The following EIF2AK1 variants were observed in gnomAD, a reference collection of about 807,000 sequenced individuals.
EIF2AK1 encodes the protein eukaryotic translation initiation factor 2 alpha kinase 1.
In EIF2AK1, 54 loss-of-function variants were observed where a neutral mutation model predicts 77.9. The ratio of observed to expected loss-of-function variants is 0.69; its 90% confidence interval spans 0.56 to 0.87. The LOEUF (loss-of-function observed/expected upper bound fraction) is 0.87. Among genes scored for constraint, EIF2AK1 ranks in the 40% least tolerant of loss-of-function variants. The pLI is 0.00. For synonymous variants in EIF2AK1, 314 were observed against 290.5 expected (o/e 1.08, Z -0.82); for missense variants, 810 against 768.6 (o/e 1.05, Z -0.64).
At position 6,023,183 on chromosome 7, in the gene EIF2AK1, A is replaced by C. The variant is rs1787557973; in HGVS notation, c.*1490T>G. On this transcript the variant is annotated 3_prime_UTR_variant, in exon 15 of 15. Coordinates refer to ENST00000199389, the MANE Select transcript of EIF2AK1 (RefSeq NM_014413.4). ...GACTGAAAATGTGATGTTCTTCTTG[A>C]AAACACCCTTTCCCATGTCATCAGT... The C allele has an allele frequency of 9.8e-6, 12 of 1,219,922 alleles. No homozygotes were observed. Among genetic ancestry groups the C allele is most frequent in the Non-Finnish European group, 1.3e-5 (12 of 890,498 alleles). The allele number at this position is 1,219,922 out of a possible 1,614,324, so 75.6% of individuals were successfully genotyped here. A position where few individuals can be genotyped will look rare whatever the true frequency, so the allele number is the denominator to read the frequency against.
chr7:6,031,313 C>T, intron 11 of EIF2AK1: 1 of 1,441,724 alleles, frequency 6.9e-7, no homozygotes, highest in African/African-American at 1.4e-5. Flanking sequence ...AGAATCATCA[C>T]AAAGAGACTG....
chr7:6,040,197 C>A (rs569881953), intron 9 of EIF2AK1, among the ~76,000 whole-genome samples: 2 of 151,972 alleles, frequency 1.3e-5, no homozygotes, highest in Non-Finnish European at 2.9e-5. Flanking sequence ...GGATTACAGG[C>A]GCACAGCATC....
At position 6,024,641 on chromosome 7, in the gene EIF2AK1, C is replaced by A. The variant is rs1336020205; in HGVS notation, c.*32G>T. On this transcript the variant is annotated 3_prime_UTR_variant, in exon 15 of 15. Transcript: ENST00000199389. ...CTAATAAAGATTAAAAATTTACATT[C>A]CAGTTAACTACCTTAAAAGTTAAGT... 1 of 1,613,292 alleles carries A rather than the reference C, an allele frequency of 6.2e-7. No individual in the cohort carries two copies. Among genetic ancestry groups the A allele is most frequent in the African/African-American group, 1.3e-5 (1 of 74,832 alleles).
Position 6,035,985 on chromosome 7 carries a change from T to C in EIF2AK1, c.1332+1439A>G. ...GGGCCAAACAGCCATCCATGAGGCA[T>C]GCTTTGGAGGCAGAGAGGCAATCAT... On this transcript the variant is annotated intron_variant, in intron 11 of 14. Coordinates refer to ENST00000199389, the MANE Select transcript of EIF2AK1 (RefSeq NM_014413.4). This position sits in a 1 kb window ranked among gnomAD's most constrained non-coding sequence, Gnocchi z 5.5. 2 of 1,550,924 alleles carry C rather than the reference T, an allele frequency of 1.3e-6. No homozygotes were observed. The highest frequency in any genetic ancestry group is 1.7e-6 in the Non-Finnish European group (2 of 1,147,008).
rs766176042 is a variant in EIF2AK1, at chr7:6,046,102, A to G, written c.599T>C (p.Ile200Thr). ...GQYYAIKKIL[I>T]KGATKTVCMK... ...GCAAACTGTTTTAGTTGCACCCTTA[A>G]TCAGGATTTTTTTTATTGCATAATA... Residue 200 changes from isoleucine (I) to threonine (T), a missense_variant, in exon 6 of 15, where the codon ATT becomes ACT. By Grantham distance (89) the Ile-to-Thr change is moderately conservative (BLOSUM62 -1). Coordinates refer to ENST00000199389, the MANE Select transcript of EIF2AK1 (RefSeq NM_014413.4). The G allele has an allele frequency of 1.3e-5, 21 of 1,571,416 alleles. No individual in the cohort carries two copies. Among genetic ancestry groups the G allele is most frequent in the Non-Finnish European group, 1.5e-5 (17 of 1,161,640 alleles).
Position 6,026,953 on chromosome 7 carries a change from C to T in EIF2AK1, c.1539G>A (p.Met513Ile), listed in dbSNP as rs1787764986. The change falls in exon 14 of 15, where the codon ATG becomes ATA. Residue 513 changes from methionine to isoleucine, a missense_variant. Met to Ile is a conservative substitution (Grantham distance 10). This residue lies in a region of EIF2AK1 where 549 missense variants were observed against 533.7 expected (regional missense o/e 1.03). Coordinates refer to ENST00000199389, the MANE Select transcript of EIF2AK1 (RefSeq NM_014413.4). ...EGSEYDAKSD[M>I]YSLGVVLLEL... ...CTAGCAGGACCACACCCAAGCTGTA[C>T]ATATCTGACTGGAAAAAGAAAAAAA... The T allele has an allele frequency of 1.2e-6, 2 of 1,613,588 alleles. No homozygotes were observed. Among genetic ancestry groups the T allele is most frequent in the Non-Finnish European group, 8.5e-7 (1 of 1,179,820 alleles).
At position 6,059,010 on chromosome 7, in the gene EIF2AK1, G is replaced by A; in HGVS notation, c.74C>T (p.Pro25Leu). Residue 25 changes from proline to leucine, a missense_variant, in exon 1 of 15, where the codon CCG (proline) becomes CTG (leucine). Coordinates refer to ENST00000199389, the MANE Select transcript of EIF2AK1 (RefSeq NM_014413.4). ...GDGAGAVAAP[P>L]AIDFPAEGPD... ...GCCCTCGGCGGGAAAGTCGATGGCC[G>A]GCGGCGCAGCCACAGCCCCAGCCCC... The A allele has an allele frequency of 6.5e-7, 1 of 1,540,306 alleles. No homozygotes were observed. The highest frequency in any genetic ancestry group is 8.7e-7 in the Non-Finnish European group (1 of 1,147,680).
In EIF2AK1 at chr7:6,023,909, C is replaced by G. The variant is rs1787657700; in HGVS notation, c.*764G>C. The G allele has an allele frequency of 1.3e-6, 2 of 1,492,520 alleles. No individual in the cohort carries two copies. Among genetic ancestry groups the G allele is most frequent in the South Asian group, 1.2e-5 (1 of 82,768 alleles). The allele number at this position is 1,492,520 out of a possible 1,614,324, so 92.5% of individuals were successfully genotyped here. ...GATGACTGCCAACTCCATGGCAGAC[C>G]CTTTCTGGGATTCAAAAACCAATTC... is the stretch of plus-strand genomic sequence containing the variant. On this transcript the variant is annotated 3_prime_UTR_variant, in exon 15 of 15. Coordinates refer to ENST00000199389, the MANE Select transcript of EIF2AK1 (RefSeq NM_014413.4).
chr7:6,044,231 G>A (rs1484855039), intron 7 of EIF2AK1, among the ~76,000 whole-genome samples: 1 of 152,060 alleles, frequency 6.6e-6, no homozygotes, highest in South Asian at 2.1e-4. Flanking sequence ...TTGGGAGGCC[G>A]AGGCGGGCGA....
At chr7:6,031,734 T>A in intron 11 of EIF2AK1, 1 of 787,874 alleles carries the variant, frequency 1.3e-6, no homozygotes. Flanking sequence ...CACACTGCAG[T>A]GCTCCCCAAA....
intron 7 of EIF2AK1, among the ~76,000 whole-genome samples, chr7:6,044,325 G>A (rs1240389772): frequency 1.3e-5 from 2 of 151,670 alleles, no homozygotes; most frequent in Non-Finnish European, 2.9e-5. Flanking sequence ...AAAAAAGTTA[G>A]CTGGCCGTGG....
At chr7:6,046,863 C>T (rs1180926263) in intron 5 of EIF2AK1, 129 bp downstream of exon 5, 4 of 802,234 alleles carry the variant, frequency 5.0e-6, no homozygotes, top group African/African-American at 3.5e-5. Context: ...GATTGCGCCG[C>T]GCACTCCAGC....
intron 1 of EIF2AK1, among the ~76,000 whole-genome samples, chr7:6,055,100 T>C (rs768202187): frequency 1.3e-5 from 2 of 152,012 alleles, no homozygotes; most frequent in Non-Finnish European, 2.9e-5. Flanking sequence ...CCCAGCACTT[T>C]GGGAGGCTGA....
At position 6,035,390 on chromosome 7, in the gene EIF2AK1, T is replaced by C; in HGVS notation, c.1332+2034A>G. 1 of 1,477,176 alleles carries C rather than the reference T, an allele frequency of 6.8e-7. No homozygotes were observed. Among genetic ancestry groups the C allele is most frequent in the Admixed American group, 2.0e-5 (1 of 48,970 alleles). The allele number at this position is 1,477,176 out of a possible 1,614,324, so 91.5% of individuals were successfully genotyped here. A position where few individuals can be genotyped will look rare whatever the true frequency, so the allele number is the denominator to read the frequency against. On this transcript the variant is annotated intron_variant, in intron 11 of 14. Coordinates refer to ENST00000199389, the MANE Select transcript of EIF2AK1 (RefSeq NM_014413.4). The surrounding 1 kb of genome is among the most constrained non-coding windows in gnomAD (Gnocchi z 5.5). ...GCTTCTTAAGCATTAACTGTCCACG[T>C]AGAGCCGTTCCCACTGTGAATTCAG...
chr7:6,028,541 T>C (rs1562741151), intron 13 of EIF2AK1, 74 bp downstream of exon 13: 27 of 1,487,814 alleles, frequency 1.8e-5, no homozygotes, highest in Non-Finnish European at 2.2e-5. Context: ...CGTGAGCCAC[T>C]GCACCCAACC....
intron 14 of EIF2AK1, chr7:6,026,413 C>T (rs1221172434): frequency 1.0e-5 from 5 of 491,480 alleles, no homozygotes; most frequent in Admixed American, 7.7e-5. Flanking sequence ...TCTCACCCAC[C>T]AGGCCCCAGG....
At chr7:6,045,796 T>G (rs565356430) in intron 6 of EIF2AK1, among the ~76,000 whole-genome samples, 1 of 149,854 alleles carries the variant, frequency 6.7e-6, no homozygotes, top group Non-Finnish European at 1.5e-5. Context: ...TCCCAGCTAC[T>G]TGGGAGGAAG....
In EIF2AK1 at chr7:6,038,661, T is replaced by C. The variant is rs770218004; in HGVS notation, c.1130A>G (p.His377Arg). ...CTGCATCTGGATGTGCAGCATCAGG[T>C]GGTACTGTGCCTAGGAGAGGACACA... ...NFLGQTEAQY[H>R]LMLHIQMQLC... is the part of the protein sequence containing the mutation. Residue 377 changes from histidine to arginine, a missense_variant, in exon 10 of 15, where the codon CAC becomes CGC. By Grantham distance (29) the His-to-Arg change is conservative. Coordinates refer to ENST00000199389, the MANE Select transcript of EIF2AK1 (RefSeq NM_014413.4). The C allele has an allele frequency of 8.7e-6, 14 of 1,611,576 alleles. No homozygotes were observed. The highest frequency in any genetic ancestry group is 1.1e-5 in the Non-Finnish European group (13 of 1,178,842).
intron 4 of EIF2AK1, among the ~76,000 whole-genome samples, chr7:6,048,177 C>A (rs1482982083): frequency 6.6e-6 from 1 of 152,106 alleles, no homozygotes; most frequent in Non-Finnish European, 1.5e-5. Flanking sequence ...ATCACTGCTA[C>A]CTAATTTCAG....
Sources: allele counts gnomAD v4.1 joint callset (sites outside exome capture counted in the v4.1 genomes callset), GRCh38; gene constraint gnomAD v4.1.1; regional missense constraint gnomAD v4.1.1; non-coding constraint Gnocchi (gnomAD v3.1); transcripts MANE v1.5; gene names NCBI Gene and HGNC (gene_info 2026-07-23, HGNC 2026-07-21).